Variants in FSHR observed in about 807,000 individuals in gnomAD.
FSHR encodes the protein follicle stimulating hormone receptor, also known as follicle-stimulating hormone receptor.
A neutral mutation model predicts 52.1 loss-of-function variants in FSHR; 46 were observed. That is an observed-to-expected ratio of 0.88 (90% CI 0.70 to 1.13). The LOEUF is 1.13. Ranked by LOEUF, FSHR falls within the 50% of genes most tolerant of loss-of-function variation. The probability of loss-of-function intolerance (pLI) is 0.00; values close to 1 mark genes in which losing one functional copy is unlikely to be tolerated. For synonymous variants in FSHR, 399 were observed against 309.6 expected, an observed-to-expected ratio of 1.29 and a Z score of -3.03; for missense variants, 964 against 834.6, an observed-to-expected ratio of 1.16 and a Z score of -1.91.
intron 4 of FSHR, among the ~76,000 whole-genome samples, chr2:49,005,246 A>C (rs2104160793): frequency 6.6e-6 from 1 of 152,226 alleles, no homozygotes; most frequent in South Asian, 2.1e-4. Flanking sequence ...TACAATCAAG[A>C]GGTGGTCCTT....
intron 1 of FSHR, among the ~76,000 whole-genome samples, chr2:49,116,797 G>A (rs10183322): frequency 0.48 from 72,231 of 151,986 alleles, 18,125 homozygotes; most frequent in East Asian, 0.7. Context: ...GTCAAATCAG[G>A]GTTCTTAGTG....
chr2:48,963,411 G>T lies in FSHR; in HGVS notation c.1410C>A (p.Thr470=), dbSNP rs114528248. The change falls in exon 10 of 10, where the codon ACC becomes ACA. Residue 470 remains threonine (T), a synonymous_variant. Coordinates refer to ENST00000406846, the MANE Select transcript of FSHR (RefSeq NM_000145.4). ...LTAITLERWH[T]ITHAMQLDCK... Reference sequence around the variant, plus strand: ...AGTCCAGCTGCATGGCATGCGTGATGGTATGCCATCTTTCCAAGGTGATAG... The same window carrying T: ...AGTCCAGCTGCATGGCATGCGTGATTGTATGCCATCTTTCCAAGGTGATAG... 5.6e-6 allele frequency: 9 copies of T among 1,613,990 alleles called. No individual in the cohort carries two copies. The highest frequency in any genetic ancestry group is 7.6e-6 in the Non-Finnish European group (9 of 1,179,972).
At chr2:49,095,687 A>T (rs991989771) in intron 1 of FSHR, among the ~76,000 whole-genome samples, 2 of 152,200 alleles carry the variant, frequency 1.3e-5, no homozygotes, top group Non-Finnish European at 2.9e-5. Flanking sequence ...CAAAAAGACA[A>T]CCCACAAAAT....
chr2:48,995,390 G>T (rs1419468803), intron 4 of FSHR, among the ~76,000 whole-genome samples: 1 of 152,020 alleles, frequency 6.6e-6, no homozygotes, highest in Non-Finnish European at 1.5e-5. Flanking sequence ...TATAGGAAGA[G>T]GAAAAAAGTC....
In FSHR at chr2:48,992,840, C is replaced by T. The variant is rs144225106; in HGVS notation, c.375-2203G>A. 1.9e-4 allele frequency among the ~76,000 whole-genome samples: 29 copies of T among 152,242 alleles called. 1 individual carries two copies. The highest frequency in any genetic ancestry group is 6.0e-4 in the African/African-American group (25 of 41,524). On this transcript the variant is annotated intron_variant, in intron 4 of 9. Transcript: ENST00000406846. ...CTGTCTTCATTTTCTCATATCCCAT[C>T]GATCTTCAACCTGCTCCAATCTATT...
At chr2:49,107,534 ATAAT>A (rs59286902) in intron 1 of FSHR, among the ~76,000 whole-genome samples, 4,295 of 152,272 alleles carry the variant, frequency 0.028, 181 homozygotes, top group African/African-American at 0.097. Context: ...TTACTGGAAA[ATAAT>A]TAATCCATCT....
chr2:49,102,318 C>A (rs184403430), intron 1 of FSHR, among the ~76,000 whole-genome samples: 1 of 151,962 alleles, frequency 6.6e-6, no homozygotes, highest in East Asian at 1.9e-4. Context: ...CACAGAAATA[C>A]AAAAAATTTG....
chr2:49,153,048 A>T (rs1242914123), intron 1 of FSHR, among the ~76,000 whole-genome samples: 2 of 152,218 alleles, frequency 1.3e-5, no homozygotes, highest in Admixed American at 1.3e-4. Flanking sequence ...CTGCCTCTGC[A>T]GCTGCCTCTG....
chr2:49,134,522 C>G (rs77806605), intron 1 of FSHR, among the ~76,000 whole-genome samples: 42,130 of 151,936 alleles, frequency 0.28, 6,155 homozygotes, highest in East Asian at 0.47. Context: ...CCTCAGGGAT[C>G]TAGAACTAGA....
At chr2:49,123,603 C>T (rs2103786184) in intron 1 of FSHR, among the ~76,000 whole-genome samples, 1 of 152,250 alleles carries the variant, frequency 6.6e-6, no homozygotes, top group East Asian at 1.9e-4. Flanking sequence ...GTATTGAAGC[C>T]TCACATTGTT....
intron 4 of FSHR, among the ~76,000 whole-genome samples, chr2:48,992,289 T>C (rs1356310309): frequency 6.6e-6 from 1 of 152,210 alleles, no homozygotes; most frequent in Non-Finnish European, 1.5e-5. Flanking sequence ...CATAGAACAG[T>C]GCCGTCACTT....
intron 3 of FSHR, among the ~76,000 whole-genome samples, chr2:49,018,809 A>T (rs1667589240): frequency 6.7e-6 from 1 of 150,162 alleles, no homozygotes; most frequent in Admixed American, 6.7e-5. Flanking sequence ...TGAGCAGACT[A>T]AAGAAATTCA....
At chr2:49,009,253 AG>A (rs1411662161) in intron 4 of FSHR, among the ~76,000 whole-genome samples, 14 of 25,098 alleles carry the variant, frequency 5.6e-4, no homozygotes, top group Admixed American at 5.1e-3. Flanking sequence ...ATGGCTAGCC[AG>A]TTTTCCCAGC....
chr2:48,986,467 A>G (rs1394662835), intron 6 of FSHR, among the ~76,000 whole-genome samples: 1 of 147,928 alleles, frequency 6.8e-6, no homozygotes, highest in Non-Finnish European at 1.5e-5. Context: ...CGAAGCTGCC[A>G]AACTAGAAAC....
intron 4 of FSHR, among the ~76,000 whole-genome samples, chr2:48,993,533 C>T (rs560894373): frequency 6.6e-6 from 1 of 152,258 alleles, no homozygotes; most frequent in African/African-American, 2.4e-5. Flanking sequence ...TGAATGTCTG[C>T]AATATTATCC....
At chr2:49,050,180 A>G (rs1572680065) in intron 2 of FSHR, among the ~76,000 whole-genome samples, 1 of 152,200 alleles carries the variant, frequency 6.6e-6, no homozygotes, top group Non-Finnish European at 1.5e-5. Flanking sequence ...ACCTGGGTCA[A>G]TAATAACTGC....
At chr2:49,025,794 T>A (rs1237242382) in intron 2 of FSHR, among the ~76,000 whole-genome samples, 1 of 152,186 alleles carries the variant, frequency 6.6e-6, no homozygotes, top group Non-Finnish European at 1.5e-5. Context: ...ATGTTATTAT[T>A]CCGAACCCAA....
chr2:49,027,483 A>C (rs1667946211), intron 2 of FSHR, among the ~76,000 whole-genome samples: 1 of 152,206 alleles, frequency 6.6e-6, no homozygotes, highest in African/African-American at 2.4e-5. Context: ...TGGTGCAGCT[A>C]GTCTTTGTGC....
chr2:48,977,793 G>A (rs1310537933), intron 8 of FSHR, among the ~76,000 whole-genome samples: 1 of 152,170 alleles, frequency 6.6e-6, no homozygotes, highest in Admixed American at 6.5e-5. Flanking sequence ...TGTCATGTAA[G>A]ACTTGATGCC....
Sources: allele counts gnomAD v4.1 joint callset (sites outside exome capture counted in the v4.1 genomes callset), GRCh38; gene constraint gnomAD v4.1.1; transcripts MANE v1.5; gene names NCBI Gene and HGNC (gene_info 2026-07-23, HGNC 2026-07-21).